Variants in G3BP2 observed in about 807,000 individuals in gnomAD.
G3BP2 encodes G3BP stress granule assembly factor 2.
G3BP2 carries 11 observed loss-of-function variants against 56.7 expected under a neutral mutation model. The observed-to-expected ratio is 0.19, with a 90% confidence interval of 0.12 to 0.32. The LOEUF is 0.32. Among genes scored for constraint, G3BP2 ranks in the 10% least tolerant of loss-of-function variants. G3BP2 has a pLI of 1.00. For synonymous variants in G3BP2, 165 were observed against 191.6 expected, an observed-to-expected ratio of 0.86 and a Z score of 1.15; for missense variants, 340 against 610.9, an observed-to-expected ratio of 0.56 and a Z score of 4.67.
intron 3 of G3BP2, among the ~76,000 whole-genome samples, chr4:75,699,693 G>A (rs1399150335): frequency 6.6e-6 from 1 of 152,144 alleles, no homozygotes; most frequent in Non-Finnish European, 1.5e-5. Flanking sequence ...TTATCTGGTT[G>A]TGTCATGGCT....
At chr4:75,709,419 CA>C (rs34603185) in intron 3 of G3BP2, among the ~76,000 whole-genome samples, 15 of 47,400 alleles carry the variant, frequency 3.2e-4, no homozygotes, top group East Asian at 8.3e-4. Context: ...GACTCCGTCT[CA>C]AAAAAAAAAA....
intron 2 of G3BP2, among the ~76,000 whole-genome samples, chr4:75,660,332 T>C (rs1732446644): frequency 6.6e-6 from 1 of 152,198 alleles, no homozygotes; most frequent in South Asian, 2.1e-4. Flanking sequence ...GACATGCAGT[T>C]ATTCATTTTG....
At chr4:75,651,019 CGTAA>C (rs1731662999) in intron 8 of G3BP2, among the ~76,000 whole-genome samples, 1 of 152,142 alleles carries the variant, frequency 6.6e-6, no homozygotes, top group African/African-American at 2.4e-5. Flanking sequence ...GACAAAGATA[CGTAA>C]GTGACAGCCC....
chr4:75,656,777 GACAACAACAACA>G, intron 5 of G3BP2, 135 bp downstream of exon 5: 1 of 600,084 alleles, frequency 1.7e-6, no homozygotes, highest in South Asian at 2.0e-5. Flanking sequence ...TTGTAACAAC[GACAACAACAACA>G]AAACCATGAA....
At chr4:75,694,849 A>G (rs1017906284) in intron 3 of G3BP2, 2 of 985,464 alleles carry the variant, frequency 2.0e-6, no homozygotes, top group African/African-American at 3.5e-5. Flanking sequence ...TGGGCTAAAG[A>G]CTGCGACATC....
chr4:75,670,436 C>CTAAGA (rs1249218443), intron 1 of G3BP2: 1 of 152,166 alleles, frequency 6.6e-6, no homozygotes, highest in East Asian at 1.9e-4. Context: ...ATCTAAGAAT[C>CTAAGA]ATAGTGGTAC....
chr4:75,673,767 C>T (rs1044560198), upstream of G3BP2: 5 of 440,064 alleles, frequency 1.1e-5, no homozygotes, highest in African/African-American at 4.1e-5. Context: ...TATTCTGGTC[C>T]TTTTTATTAA....
At chr4:75,721,112 G>A (rs1720160453) in intron 2 of G3BP2, among the ~76,000 whole-genome samples, 1 of 151,906 alleles carries the variant, frequency 6.6e-6, no homozygotes, top group African/African-American at 2.4e-5. Flanking sequence ...AGCTAATTTT[G>A]TATTTTTAGT....
intron 3 of G3BP2, chr4:75,694,908 A>G (rs1719040014): frequency 4.1e-6 from 4 of 985,642 alleles, no homozygotes; most frequent in Non-Finnish European, 4.8e-6. Flanking sequence ...TTGGACAGGA[A>G]GCGATAAGGA....
At chr4:75,653,938 G>T in intron 8 of G3BP2, 45 bp downstream of exon 8, 1 of 827,014 alleles carries the variant, frequency 1.2e-6, no homozygotes, top group Non-Finnish European at 2.1e-6. Flanking sequence ...TAAGCAATTG[G>T]CAATGTAACA....
chr4:75,673,347 G>A lies in G3BP2; in HGVS notation c.-164C>T. On this transcript the variant is annotated 5_prime_UTR_variant, in exon 1 of 12. It adds an upstream start codon to the 5' untranslated region. Coordinates refer to ENST00000359707, the MANE Select transcript of G3BP2 (RefSeq NM_203505.3). ...TCGGAAGCCGGAGAGCCGCGAGTTC[G>A]TCTGCCTCACAACCACCTCTTCCCG... The A allele has an allele frequency of 3.2e-6, 4 of 1,231,238 alleles. No individual in the cohort carries two copies. The highest frequency in any genetic ancestry group is 4.1e-6 in the Non-Finnish European group (4 of 987,444). The allele number at this position is 1,231,238 out of a possible 1,614,324, so 76.3% of individuals were successfully genotyped here.
chr4:75,693,554 G>C (rs904596462), intron 3 of G3BP2, among the ~76,000 whole-genome samples: 1 of 151,996 alleles, frequency 6.6e-6, no homozygotes, highest in Non-Finnish European at 1.5e-5. Context: ...ACTTTGGGAG[G>C]CCAAAGCGGG....
At chr4:75,656,176 A>C (rs1244197439) in intron 5 of G3BP2, among the ~76,000 whole-genome samples, 1 of 151,582 alleles carries the variant, frequency 6.6e-6, no homozygotes, top group East Asian at 1.9e-4. Flanking sequence ...TTTTAAGTAG[A>C]GATGGGGTTT....
At chr4:75,717,894 A>G (rs1719989081) in intron 3 of G3BP2, among the ~76,000 whole-genome samples, 1 of 152,140 alleles carries the variant, frequency 6.6e-6, no homozygotes, top group South Asian at 2.1e-4. Flanking sequence ...TAATCCCAGC[A>G]CTTTGGGAGG....
upstream of G3BP2, among the ~76,000 whole-genome samples, chr4:75,674,718 A>ATTTT (rs71203842): frequency 5.6e-5 from 4 of 71,432 alleles, no homozygotes; most frequent in African/African-American, 2.4e-4. Flanking sequence ...ATATATATAT[A>ATTTT]TTTTTTTTTT....
chr4:75,688,080 C>T (rs1307044201), intron 3 of G3BP2, among the ~76,000 whole-genome samples: 3 of 152,200 alleles, frequency 2.0e-5, no homozygotes, highest in Admixed American at 1.3e-4. Flanking sequence ...GGACTCTCTC[C>T]CCTGTATGTA....
At chr4:75,650,906 A>G (rs1731650692) in intron 8 of G3BP2, among the ~76,000 whole-genome samples, 1 of 152,176 alleles carries the variant, frequency 6.6e-6, no homozygotes, top group Non-Finnish European at 1.5e-5. Flanking sequence ...AGAACCAAGC[A>G]CAGTGCTATT....
chr4:75,717,701 C>A (rs893278518), intron 3 of G3BP2, among the ~76,000 whole-genome samples: 1 of 152,134 alleles, frequency 6.6e-6, no homozygotes, highest in Non-Finnish European at 1.5e-5. Flanking sequence ...TGCAACCCTA[C>A]CCTGGCTATT....
At chr4:75,669,372 C>T (rs918766665) in intron 1 of G3BP2, among the ~76,000 whole-genome samples, 1 of 152,180 alleles carries the variant, frequency 6.6e-6, no homozygotes, top group African/African-American at 2.4e-5. Flanking sequence ...TTTAGCTTTG[C>T]CACTTAAACT....
Sources: allele counts gnomAD v4.1 joint callset (sites outside exome capture counted in the v4.1 genomes callset), GRCh38; gene constraint gnomAD v4.1.1; transcripts MANE v1.5; gene names NCBI Gene and HGNC (gene_info 2026-07-23, HGNC 2026-07-21).